SLC25A13: variants seen among roughly 807,000 people sequenced by gnomAD.
SLC25A13 encodes the protein solute carrier family 25 member 13, also known as electrogenic aspartate/glutamate antiporter SLC25A13, mitochondrial.
Under a neutral mutation model 85.5 loss-of-function variants are expected in SLC25A13, and 70 were observed. The ratio of observed to expected loss-of-function variants is 0.82; its 90% CI spans 0.68 to 1.00. The LOEUF is 1.00. Among genes scored for constraint, SLC25A13 ranks in the 50% least tolerant of loss-of-function variants. The pLI, the probability that SLC25A13 is intolerant of heterozygous loss-of-function variation, is 0.00. For synonymous variants in SLC25A13, 259 were observed against 288.7 expected (o/e 0.90, Z 1.04); for missense variants, 765 against 819.8 (o/e 0.93, Z 0.82).
chr7:96,282,029 C>T (rs985226450), intron 2 of SLC25A13, among the ~76,000 whole-genome samples: 2 of 152,122 alleles, frequency 1.3e-5, no homozygotes, highest in East Asian at 1.9e-4. Context: ...TCCTTATATC[C>T]ACCACATCTT....
At chr7:96,123,164 T>C (rs1252119459) in intron 15 of SLC25A13, among the ~76,000 whole-genome samples, 1 of 152,186 alleles carries the variant, frequency 6.6e-6, no homozygotes, top group African/African-American at 2.4e-5. Flanking sequence ...ATCACAATTC[T>C]GCATGCAAAA....
intron 14 of SLC25A13, among the ~76,000 whole-genome samples, chr7:96,144,875 A>AT (rs1173856133): frequency 6.6e-6 from 1 of 152,200 alleles, no homozygotes; most frequent in Non-Finnish European, 1.5e-5. Flanking sequence ...AGACATTTCA[A>AT]TAACAGTCAC....
At chr7:96,215,882 C>T (rs1006222635) in intron 4 of SLC25A13, among the ~76,000 whole-genome samples, 8 of 152,142 alleles carry the variant, frequency 5.3e-5, no homozygotes, top group South Asian at 2.1e-4. Flanking sequence ...TGGCCAGGCA[C>T]GGTGGCTCAC....
chr7:96,194,562 GATA>G (rs1387007345), intron 5 of SLC25A13, among the ~76,000 whole-genome samples: 2 of 149,738 alleles, frequency 1.3e-5, no homozygotes, highest in African/African-American at 2.4e-5. Context: ...ATTTTAGTGA[GATA>G]ATGACATCGT....
chr7:96,259,814 T>C lies in SLC25A13; in HGVS notation c.212+17382A>G, dbSNP rs1417587923. 2.0e-5 allele frequency among the ~76,000 whole-genome samples: 3 copies of C among 152,104 alleles called. No individual in the cohort carries two copies. In the East Asian group the frequency reaches 5.8e-4, roughly 29 times the overall value. ...GACTTGGAACCAACCTAAATGCTCGTCAATGACAGACTGGATAAAGAAAAT... is the reference window on the plus strand; with the variant it reads ...GACTTGGAACCAACCTAAATGCTCGCCAATGACAGACTGGATAAAGAAAAT... On this transcript the variant is annotated intron_variant, in intron 3 of 17. Transcript: ENST00000265631.
chr7:96,283,270 A>C lies in SLC25A13; in HGVS notation c.70-5932T>G, dbSNP rs79463722. The C allele has an allele frequency of 8.0e-3, 1,570 of 195,470 alleles. 30 individuals carry two copies. Among genetic ancestry groups the C allele is most frequent in the African/African-American group, 0.035 (1,496 of 42,708 alleles). The allele number at this position is 195,470 out of a possible 1,614,324, so 12.1% of individuals were successfully genotyped here. ...AAGTTAGGGCAAAACAGAAACAGCC[A>C]TATGTAGGAATATTATGCAGCATTA... On this transcript the variant is annotated intron_variant, in intron 2 of 17. Transcript: ENST00000265631.
intron 4 of SLC25A13, among the ~76,000 whole-genome samples, chr7:96,225,899 G>A (rs953179796): frequency 2.6e-5 from 4 of 151,978 alleles, no homozygotes; most frequent in African/African-American, 7.3e-5. Flanking sequence ...CAGACTCCGC[G>A]CTTAGAACCC....
intron 13 of SLC25A13, among the ~76,000 whole-genome samples, chr7:96,148,387 T>A (rs1044815563): frequency 6.6e-6 from 1 of 152,196 alleles, no homozygotes; most frequent in Non-Finnish European, 1.5e-5. Flanking sequence ...AACAACTCCC[T>A]GGTTGTTTAC....
chr7:96,255,264 C>T (rs1797590403), intron 3 of SLC25A13, among the ~76,000 whole-genome samples: 1 of 152,082 alleles, frequency 6.6e-6, no homozygotes, highest in Non-Finnish European at 1.5e-5. Flanking sequence ...TTGCTGGTAA[C>T]CAGGATTTTC....
intron 15 of SLC25A13, among the ~76,000 whole-genome samples, chr7:96,128,306 C>G (rs537219348): frequency 6.6e-6 from 1 of 152,240 alleles, no homozygotes; most frequent in South Asian, 2.1e-4. Context: ...TTTTACCATG[C>G]TGACTGGAAC....
intron 1 of SLC25A13, 66 bp from the exon 2 acceptor site, chr7:96,297,017 A>C: frequency 7.3e-7 from 1 of 1,364,112 alleles, no homozygotes; most frequent in Middle Eastern, 1.9e-4. Flanking sequence ...TAGCCGACTA[A>C]AGGAAAATAA....
chr7:96,306,888 C>A, intron 1 of SLC25A13: 1 of 1,127,180 alleles, frequency 8.9e-7, no homozygotes. Context: ...TGTGGCTTCA[C>A]TCCAATCTCT....
At chr7:96,217,542 T>C (rs1414276992) in intron 4 of SLC25A13, among the ~76,000 whole-genome samples, 2 of 152,302 alleles carry the variant, frequency 1.3e-5, no homozygotes, top group East Asian at 3.9e-4. Flanking sequence ...CACAGTGAAA[T>C]ATTATTTATC....
intron 13 of SLC25A13, among the ~76,000 whole-genome samples, chr7:96,157,687 T>G (rs1236208749): frequency 6.6e-6 from 1 of 151,924 alleles, no homozygotes; most frequent in Non-Finnish European, 1.5e-5. Flanking sequence ...GCCTGTAGTC[T>G]TGGCCACTTG....
Position 96,237,151 on chromosome 7 carries a change from G to C in SLC25A13, c.213-2234C>G, listed in dbSNP as rs192412610. On this transcript the variant is annotated intron_variant, in intron 3 of 17. Transcript: ENST00000265631. The stretch of plus-strand genomic sequence containing the variant: ...CCTCCCTTAAATCTATGGCTGTAAG[G>C]CTGGTAGAGAAAGTCAAACTTGAGT... Among the ~76,000 whole-genome samples, 25 of 152,240 alleles carry C rather than the reference G, an allele frequency of 1.6e-4. No homozygotes were observed. The East Asian group carries it at 4.1e-3, about 25-fold the overall frequency.
intron 15 of SLC25A13, among the ~76,000 whole-genome samples, chr7:96,129,206 C>G (rs1294817192): frequency 6.6e-6 from 1 of 152,126 alleles, no homozygotes; most frequent in Non-Finnish European, 1.5e-5. Context: ...CTACCCCACA[C>G]CTGTTTCCTG....
At chr7:96,166,351 T>A (rs541427434) in intron 13 of SLC25A13, among the ~76,000 whole-genome samples, 1 of 152,254 alleles carries the variant, frequency 6.6e-6, no homozygotes, top group Non-Finnish European at 1.5e-5. Context: ...TTTCTCTTGT[T>A]ATATAAACAG....
At chr7:96,264,978 G>A (rs984032911) in intron 3 of SLC25A13, among the ~76,000 whole-genome samples, 3 of 152,198 alleles carry the variant, frequency 2.0e-5, no homozygotes, top group Non-Finnish European at 4.4e-5. Context: ...TGTTTTGGTT[G>A]AAGAATATGA....
chr7:96,175,089 G>A (rs529851992), intron 11 of SLC25A13, among the ~76,000 whole-genome samples: 33 of 152,244 alleles, frequency 2.2e-4, no homozygotes, highest in African/African-American at 7.5e-4. Context: ...CAGACCCCAG[G>A]GGCATCACAG....
Sources: allele counts gnomAD v4.1 joint callset (sites outside exome capture counted in the v4.1 genomes callset), GRCh38; gene constraint gnomAD v4.1.1; transcripts MANE v1.5; gene names NCBI Gene and HGNC (gene_info 2026-07-23, HGNC 2026-07-21).